TNNT1: variants seen among roughly 807,000 people sequenced by gnomAD.
The protein encoded by TNNT1 is troponin T, slow skeletal muscle.
A neutral mutation model predicts 50.6 loss-of-function variants in TNNT1; 53 were observed. The observed-to-expected ratio is 1.05, with a 90% CI of 0.84 to 1.32. The LOEUF (loss-of-function observed/expected upper bound fraction) is 1.32. Among genes scored for constraint, TNNT1 ranks in the 40% most tolerant of loss-of-function variants. TNNT1 has a pLI of 0.00. For missense variants in TNNT1, 348 were observed against 381.7 expected, an observed-to-expected ratio of 0.91 and a Z score of 0.74; for synonymous variants, 142 against 138.0, an observed-to-expected ratio of 1.03 and a Z score of -0.20.
rs1215869854 is a variant in TNNT1 at position 55,134,177 on chromosome 19, T to C, written c.639A>G (p.Ser213=). 6.3e-7 allele frequency: 1 copy of C among 1,589,306 alleles called. No homozygotes were observed. Among genetic ancestry groups the C allele is most frequent in the Admixed American group, 1.8e-5 (1 of 55,754 alleles). The change falls in exon 12 of 14, where the codon TCA becomes TCG. Residue 213 remains serine (S), a synonymous_variant. Transcript: ENST00000588981. The part of the protein sequence containing the change: ...LRARSAWLPP[S]QPSCPAREKA... ...TCTCCCTGGCAGGGCAGGAGGGCTG[T>C]GATGGAGGCAGCCAGGCAGACCGGG...
chr19:55,145,526 CA>C lies in TNNT1; in HGVS notation c.128+17del. On this transcript the variant is annotated intron_variant, in intron 6 of 13. Coordinates refer to ENST00000588981, the MANE Select transcript of TNNT1 (RefSeq NM_003283.6). ...AGGAAGATGTATGACTGGGGCCCCC[CA>C]CCCTGTAGGATCTCACCTTGGTTTG... The C allele has an allele frequency of 3.1e-6, 5 of 1,613,060 alleles. No homozygotes were observed. Among genetic ancestry groups the C allele is most frequent in the Non-Finnish European group, 2.5e-6 (3 of 1,179,266 alleles).
At position 55,141,275 on chromosome 19, in the gene TNNT1, C is replaced by G. The variant is rs1219984129; in HGVS notation, c.220G>C (p.Asp74His). 1 of 1,614,218 alleles carries G rather than the reference C, an allele frequency of 6.2e-7. No homozygotes were observed. The highest frequency in any genetic ancestry group is 8.5e-7 in the Non-Finnish European group (1 of 1,180,030). ...DDIHRKRMEK[D>H]LLELQTLIDV... is the part of the protein sequence containing the mutation. ...ATGAGTGTCTGCAGCTCCAGCAGGT[C>G]TTTCTCCATGCGCTTGCGGTGGATG... is the stretch of plus-strand genomic sequence containing the variant. Residue 74 changes from aspartate (D) to histidine (H), a missense_variant, in exon 8 of 14, where the codon GAC (aspartate) becomes CAC (histidine). Asp to His is a moderately conservative substitution (Grantham distance 81, BLOSUM62 -1). Transcript: ENST00000588981.
chr19:55,146,162 C>T (rs1477080910), intron 5 of TNNT1, among the ~76,000 whole-genome samples: 4 of 152,004 alleles, frequency 2.6e-5, no homozygotes, highest in Admixed American at 1.3e-4. Flanking sequence ...AACATCCAAC[C>T]CTTCTGTAAA....
chr19:55,142,277 A>C (rs368826286), intron 6 of TNNT1, among the ~76,000 whole-genome samples: 1,887 of 146,676 alleles, frequency 0.013, 60 homozygotes, highest in African/African-American at 0.047. Flanking sequence ...CCCACCACCA[A>C]GCCTGGCTAA....
chr19:55,137,796 AC>A (rs1437149853), intron 10 of TNNT1, among the ~76,000 whole-genome samples, 164 bp downstream of exon 10: 1 of 80,510 alleles, frequency 1.2e-5, no homozygotes, highest in Admixed American at 1.3e-4. Context: ...AGGCGTCCAG[AC>A]CCCAGCTCCT....
At chr19:55,141,098 G>A (rs1313078227) in intron 8 of TNNT1, 88 bp downstream of exon 8, 2 of 1,476,428 alleles carry the variant, frequency 1.4e-6, no homozygotes, top group Non-Finnish European at 1.9e-6. Flanking sequence ...CTCTGTACTA[G>A]GAGGAAAACT....
rs1193141973 is a variant in TNNT1, at chr19:55,135,117, TCCCTTG to T, written c.612-919_612-914del. Among the ~76,000 whole-genome samples the T allele has an allele frequency of 5.3e-5, 8 of 152,248 alleles. No individual in the cohort carries two copies. In the East Asian group the frequency reaches 1.2e-3, roughly 22 times the overall value. On this transcript the variant is annotated intron_variant, in intron 11 of 13. Coordinates refer to ENST00000588981, the MANE Select transcript of TNNT1 (RefSeq NM_003283.6). ...AGTTGAAAAACTACTTTGCCCAATC[TCCCTTG>T]CAGGTAGGGGTGGCTACTCAGACGA...
At chr19:55,144,969 C>T (rs73617679) in intron 6 of TNNT1, among the ~76,000 whole-genome samples, 44 of 151,828 alleles carry the variant, frequency 2.9e-4, no homozygotes, top group African/African-American at 1.0e-3. Context: ...GGTAAAGGCG[C>T]GAGGGGAAGA....
intron 6 of TNNT1, chr19:55,145,335 G>A (rs1034104523): frequency 3.2e-6 from 2 of 631,398 alleles, no homozygotes; most frequent in South Asian, 1.8e-5. Context: ...GAAGGGGAAG[G>A]GGAAGAAGAG....
chr19:55,146,555 C>T (rs1376012168), intron 4 of TNNT1, 89 bp from the exon 5 acceptor site: 2 of 1,141,030 alleles, frequency 1.8e-6, no homozygotes, highest in East Asian at 2.9e-5. Context: ...AGGGAAGAGA[C>T]GTGAGAGGCT....
intron 11 of TNNT1, among the ~76,000 whole-genome samples, chr19:55,135,055 CCTTT>C (rs1432442064): frequency 1.3e-5 from 2 of 152,052 alleles, no homozygotes; most frequent in Admixed American, 6.6e-5. Context: ...AGCCCTTCTC[CCTTT>C]CTTCTAGAAA....
chr19:55,133,897 C>A lies in TNNT1; in HGVS notation c.781G>T (p.Ala261Ser). The A allele has an allele frequency of 1.2e-6, 2 of 1,613,752 alleles. No homozygotes were observed. The highest frequency in any genetic ancestry group is 1.1e-5 in the South Asian group (1 of 91,082). Residue 261 changes from alanine to serine, a missense_variant, in exon 13 of 14, where the codon GCC becomes TCC. Transcript: ENST00000588981. ...INVLYNRISH[A>S]QKFRKGAGKG... The stretch of plus-strand genomic sequence containing the variant: ...GACGGTCACACTCACAACTTCTGGG[C>A]GTGGCTGATGCGGTTGTACAGCACG...
rs1056384260 is a variant in TNNT1, at chr19:55,146,675, C to G, written c.73+6G>C. On this transcript the variant is annotated splice_donor_region_variant and intron_variant, in intron 4 of 13. Transcript: ENST00000588981. ...AGCTCCAGACCTGCGGAGTCCGGGACCTCACCTTCCTCCTCCTCCTCCGCA... is the reference window on the plus strand; with the variant it reads ...AGCTCCAGACCTGCGGAGTCCGGGAGCTCACCTTCCTCCTCCTCCTCCGCA... 2.0e-6 allele frequency: 3 copies of G among 1,496,328 alleles called. No homozygotes were observed. The allele number at this position is 1,496,328 out of a possible 1,614,324, so 92.7% of individuals were successfully genotyped here. A position where few individuals can be genotyped will look rare whatever the true frequency, so the allele number is the denominator to read the frequency against.
In TNNT1 at chr19:55,146,779, G is replaced by A. The variant is rs2085563974; in HGVS notation, c.47-72C>T. On this transcript the variant is annotated intron_variant, in intron 3 of 13. Transcript: ENST00000588981. The stretch of plus-strand genomic sequence containing the variant: ...GATGGGGGCGGTGGCCAGAGACCAG[G>A]GTTCCAGTCTCTGCTGGACGGGGGT... 4 of 1,289,222 alleles carry A rather than the reference G, an allele frequency of 3.1e-6. No homozygotes were observed. In the South Asian group the frequency reaches 6.2e-5, roughly 20 times the overall value. The allele number at this position is 1,289,222 out of a possible 1,614,324, so 79.9% of individuals were successfully genotyped here.
chr19:55,134,495 G>A (rs2085307093), intron 11 of TNNT1, among the ~76,000 whole-genome samples: 2 of 150,580 alleles, frequency 1.3e-5, no homozygotes, highest in Admixed American at 6.7e-5. Context: ...AGACCAGCCT[G>A]GGCAACAAAG....
chr19:55,133,695 A>G, intron 13 of TNNT1, 192 bp downstream of exon 13: 3 of 650,818 alleles, frequency 4.6e-6, no homozygotes, highest in Non-Finnish European at 8.0e-6. Context: ...AAAAAAAAAA[A>G]GAAAGAAAAA....
chr19:55,133,389 G>T (rs1382328824), intron 13 of TNNT1, among the ~76,000 whole-genome samples: 1 of 151,958 alleles, frequency 6.6e-6, no homozygotes, highest in East Asian at 1.9e-4. Context: ...ATTCAGGGAA[G>T]ACCCTCTCGG....
chr19:55,147,069 G>T (rs540649237), intron 2 of TNNT1, 48 bp from the exon 3 acceptor site: 1 of 1,613,262 alleles, frequency 6.2e-7, no homozygotes, highest in Non-Finnish European at 8.5e-7. Context: ...GTTAGACCTG[G>T]GGTGGGAGAG....
chr19:55,144,772 A>G (rs898874783), intron 6 of TNNT1, among the ~76,000 whole-genome samples: 11 of 152,234 alleles, frequency 7.2e-5, no homozygotes, highest in African/African-American at 2.2e-4. Flanking sequence ...CTGGAGCCAG[A>G]TGGGGAAGGC....
Sources: allele counts gnomAD v4.1 joint callset (sites outside exome capture counted in the v4.1 genomes callset), GRCh38; gene constraint gnomAD v4.1.1; transcripts MANE v1.5; gene names NCBI Gene and HGNC (gene_info 2026-07-23, HGNC 2026-07-21).